SLC38A7: variants seen among roughly 807,000 people sequenced by gnomAD.
SLC38A7 encodes solute carrier family 38 member 7.
Under a neutral mutation model 50.1 loss-of-function variants are expected in SLC38A7, and 29 were observed. That is an observed-to-expected ratio of 0.58 (90% CI 0.43 to 0.79). SLC38A7 has a LOEUF of 0.79. SLC38A7 is among the 30% of genes least tolerant of loss of function. The pLI, the probability that SLC38A7 is intolerant of heterozygous loss-of-function variation, is 0.00. For synonymous variants in SLC38A7, 244 were observed against 245.9 expected, an observed-to-expected ratio of 0.99 and a Z score of 0.07; for missense variants, 483 against 610.6, an observed-to-expected ratio of 0.79 and a Z score of 2.20.
chr16:58,671,573 T>A, intron 9 of SLC38A7: 2 of 381,206 alleles, frequency 5.2e-6, no homozygotes, highest in Non-Finnish European at 9.6e-6. Context: ...TTGTTTTTTG[T>A]TTTTTTGAGA....
intron 8 of SLC38A7, among the ~76,000 whole-genome samples, chr16:58,672,521 A>C (rs2044179732): frequency 1.3e-5 from 2 of 152,204 alleles, no homozygotes; most frequent in African/African-American, 4.8e-5. Context: ...TCTGTCTGGC[A>C]GACCTTCAGA....
intron 11 of SLC38A7, 95 bp from the exon 12 acceptor site, chr16:58,667,582 A>G: frequency 1.0e-6 from 1 of 962,176 alleles, no homozygotes; most frequent in Non-Finnish European, 1.5e-6. Flanking sequence ...TAATTATCGC[A>G]CTTCTCCTGT....
intron 3 of SLC38A7, among the ~76,000 whole-genome samples, chr16:58,679,237 C>G (rs2044334097): frequency 6.6e-6 from 1 of 151,736 alleles, no homozygotes; most frequent in South Asian, 2.1e-4. Context: ...ACTAAAAATA[C>G]AAAAATTAGC....
At position 58,666,494 on chromosome 16, in the gene SLC38A7, C is replaced by G. The variant is rs936796435; in HGVS notation, c.*891G>C. ...AAAAGAAGGTGTCGGGGAGGTACAC[C>G]CTGATTCTGACCAGCCCAGCCCACA... On this transcript the variant is annotated 3_prime_UTR_variant, in exon 12 of 12. Transcript: ENST00000219320. 5.9e-5 allele frequency: 9 copies of G among 152,218 alleles called. No individual in the cohort carries two copies. The highest frequency in any genetic ancestry group is 5.3e-4 in the Admixed American group (8 of 15,202). The allele number at this position is 152,218 out of a possible 1,614,324, so 9.4% of individuals were successfully genotyped here.
intron 7 of SLC38A7, 31 bp from the exon 8 acceptor site, chr16:58,676,085 G>A (rs2044260518): frequency 6.2e-7 from 1 of 1,602,708 alleles, no homozygotes; most frequent in Non-Finnish European, 8.5e-7. Flanking sequence ...GTCATGGTGG[G>A]GAAATGACCT....
intron 8 of SLC38A7, among the ~76,000 whole-genome samples, chr16:58,672,559 G>T (rs1432228948): frequency 3.3e-5 from 5 of 152,144 alleles, no homozygotes. Flanking sequence ...TTGGGTCTCA[G>T]TTTAGATGTC....
rs757176004 is a variant in SLC38A7, at chr16:58,671,041, G to A, written c.1231+4C>T. Reference sequence around the variant, plus strand: ...CTGTGAGATGGGGCGCCAGGGGTCCGCACCTGGGAAGACGAAGATGAAGCA... The same window carrying A: ...CTGTGAGATGGGGCGCCAGGGGTCCACACCTGGGAAGACGAAGATGAAGCA... On this transcript the variant is annotated splice_donor_region_variant and intron_variant, in intron 10 of 11. Transcript: ENST00000219320. The A allele has an allele frequency of 4.4e-6, 7 of 1,584,824 alleles. No homozygotes were observed. Among genetic ancestry groups the A allele is most frequent in the South Asian group, 2.3e-5 (2 of 87,330 alleles).
In SLC38A7 at chr16:58,678,782, C is replaced by CA. The variant is rs751198558; in HGVS notation, c.382_383insT (p.Gly128ValfsTer5). 1.2e-6 allele frequency: 2 copies of CA among 1,614,176 alleles called. No individual in the cohort carries two copies. Among genetic ancestry groups the CA allele is most frequent in the South Asian group, 1.1e-5 (1 of 91,084 alleles). On this transcript the variant is annotated frameshift_variant, in exon 4 of 12. Coordinates refer to ENST00000219320, the MANE Select transcript of SLC38A7 (RefSeq NM_018231.3). LOFTEE classifies it high-confidence loss of function. This position sits in a 1 kb window ranked among gnomAD's most constrained non-coding sequence, Gnocchi z 4.0. ...AGCGATGGCCACCTCACATAGCACA[C>CA]CTGTCAGCTTGCCACACACAGCCCA... is the stretch of plus-strand genomic sequence containing the variant.
At chr16:58,682,655 G>A (rs1174029582) in intron 2 of SLC38A7, among the ~76,000 whole-genome samples, 4 of 149,946 alleles carry the variant, frequency 2.7e-5, no homozygotes, top group African/African-American at 7.4e-5. Context: ...TTTTTGAGAC[G>A]GAGTCTTGCT....
At chr16:58,673,670 T>TG (rs1567471250) in intron 8 of SLC38A7, among the ~76,000 whole-genome samples, 6 of 145,296 alleles carry the variant, frequency 4.1e-5, no homozygotes, top group Non-Finnish European at 9.1e-5. Flanking sequence ...GGCCGTTTTT[T>TG]TTTTTTTTTT....
At position 58,671,256 on chromosome 16, in the gene SLC38A7, G is replaced by A. The variant is rs769947305; in HGVS notation, c.1032-12C>T. On this transcript the variant is annotated splice_polypyrimidine_tract_variant and intron_variant, in intron 9 of 11. Coordinates refer to ENST00000219320, the MANE Select transcript of SLC38A7 (RefSeq NM_018231.3). ...CTTCCACCACCGCCCTGCCCACATG[G>A]AGAAGGGCTTAGAGGTGCCCCTGCT... The A allele has an allele frequency of 6.2e-7, 1 of 1,612,850 alleles. No homozygotes were observed. Among genetic ancestry groups the A allele is most frequent in the South Asian group, 1.1e-5 (1 of 90,914 alleles).
chr16:58,678,497 A>G lies in SLC38A7; in HGVS notation c.470-23T>C, dbSNP rs543561873. 6.5e-7 allele frequency: 1 copy of G among 1,543,762 alleles called. No individual in the cohort carries two copies. The highest frequency in any genetic ancestry group is 1.9e-5 in the Admixed American group (1 of 51,794). On this transcript the variant is annotated intron_variant, in intron 4 of 11. Coordinates refer to ENST00000219320, the MANE Select transcript of SLC38A7 (RefSeq NM_018231.3). The surrounding 1 kb of genome is among the most constrained non-coding windows in gnomAD (Gnocchi z 4.0). ...TAACTGCACAGGGAGGAAGGAGGGA[A>G]TGTCAAGCCAGGCCACCATGGGGTG...
chr16:58,683,676 C>A (rs1469857515), intron 2 of SLC38A7: 2 of 152,272 alleles, frequency 1.3e-5, no homozygotes, highest in Non-Finnish European at 1.5e-5. Context: ...CCGCTGCTCA[C>A]GTCACAGAGA....
intron 9 of SLC38A7, chr16:58,671,728 C>T: frequency 4.7e-6 from 1 of 211,146 alleles, no homozygotes; most frequent in South Asian, 9.9e-5. Context: ...TCCCACCACA[C>T]CTGGCTATTT....
intron 11 of SLC38A7, among the ~76,000 whole-genome samples, chr16:58,668,713 CA>C (rs71155292): frequency 0.028 from 936 of 33,776 alleles, 3 homozygotes; most frequent in African/African-American, 0.087. Flanking sequence ...AACTCCATCT[CA>C]AAAAAAAAAA....
chr16:58,682,007 AT>A (rs1418408749), intron 2 of SLC38A7: 1 of 152,132 alleles, frequency 6.6e-6, no homozygotes, highest in Non-Finnish European at 1.5e-5. Context: ...AAATACAAAA[AT>A]TAGCCAGGTG....
chr16:58,677,453 CATCCCCAGCTGCCTCTT>C (rs1265852588), intron 5 of SLC38A7, 29 bp from the exon 6 acceptor site: 39 of 1,600,828 alleles, frequency 2.4e-5, no homozygotes, highest in Non-Finnish European at 3.3e-5. Flanking sequence ...TAAGTGTCCT[CATCCCCAGCTGCCTCTT>C]ATCTGATTCC....
At chr16:58,671,658 C>T (rs1395687507) in intron 9 of SLC38A7, 1 of 226,400 alleles carries the variant, frequency 4.4e-6, no homozygotes, top group Admixed American at 5.1e-5. Flanking sequence ...AACTCCTGGG[C>T]TCCAGCCATC....
intron 10 of SLC38A7, 74 bp downstream of exon 10, chr16:58,670,971 T>C: frequency 6.7e-7 from 1 of 1,497,576 alleles, no homozygotes; most frequent in Non-Finnish European, 9.1e-7. Flanking sequence ...TTTGAGCAAG[T>C]AGGGAGCTGA....
Sources: allele counts gnomAD v4.1 joint callset (sites outside exome capture counted in the v4.1 genomes callset), GRCh38; gene constraint gnomAD v4.1.1; non-coding constraint Gnocchi (gnomAD v3.1); transcripts MANE v1.5; gene names NCBI Gene and HGNC (gene_info 2026-07-23, HGNC 2026-07-21).